Variants in ADGRL3 observed in about 807,000 individuals in gnomAD.
ADGRL3 encodes calcium-independent alpha-latrotoxin receptor 3.
A neutral mutation model predicts 153.5 loss-of-function variants in ADGRL3; 62 were observed. The ratio of observed to expected loss-of-function variants is 0.40; its 90% CI spans 0.33 to 0.50. The LOEUF (loss-of-function observed/expected upper bound fraction) is 0.50. Ranked by LOEUF, ADGRL3 falls within the 20% of genes least tolerant of loss-of-function variation. ADGRL3 has a pLI of 0.47. For synonymous variants in ADGRL3, 710 were observed against 672.5 expected (o/e 1.06, Z -0.86); for missense variants, 1,641 against 1,859.4 (o/e 0.88, Z 2.16).
chr4:61,535,681 T>TG (rs2098651449), intron 4 of ADGRL3, among the ~76,000 whole-genome samples: 2 of 152,080 alleles, frequency 1.3e-5, no homozygotes, highest in African/African-American at 4.8e-5. Flanking sequence ...AGATTGTATG[T>TG]TTCCAAGAAT....
chr4:61,206,503 C>T (rs1397837722), intron 1 of ADGRL3, among the ~76,000 whole-genome samples: 1 of 152,132 alleles, frequency 6.6e-6, no homozygotes, highest in African/African-American at 2.4e-5. Context: ...AATGCTAAGA[C>T]ATTATTTGCC....
intron 1 of ADGRL3, among the ~76,000 whole-genome samples, chr4:61,267,470 G>T (rs1253435232): frequency 6.6e-6 from 1 of 151,678 alleles, no homozygotes; most frequent in Non-Finnish European, 1.5e-5. Context: ...AGTTGAGGAA[G>T]CACAGATGGA....
At chr4:61,902,586 C>T (rs1451850581) in intron 11 of ADGRL3, among the ~76,000 whole-genome samples, 1 of 152,112 alleles carries the variant, frequency 6.6e-6, no homozygotes, top group African/African-American at 2.4e-5. Flanking sequence ...ACTTACTCTT[C>T]TCCTTGCTCA....
intron 5 of ADGRL3, among the ~76,000 whole-genome samples, chr4:61,614,905 G>A (rs111949506): frequency 4.6e-5 from 7 of 152,042 alleles, no homozygotes; most frequent in Admixed American, 2.6e-4. Flanking sequence ...TTTTTTGCTC[G>A]TTGCTTTATG....
chr4:61,749,476 T>C (rs541311924), intron 8 of ADGRL3, among the ~76,000 whole-genome samples: 2 of 152,260 alleles, frequency 1.3e-5, no homozygotes, highest in East Asian at 3.9e-4. Flanking sequence ...CCAACAATGA[T>C]AGACTGGATT....
At chr4:61,571,069 G>GA (rs2098836620) in intron 4 of ADGRL3, among the ~76,000 whole-genome samples, 2 of 152,030 alleles carry the variant, frequency 1.3e-5, no homozygotes, top group Non-Finnish European at 1.5e-5. Context: ...AAATAGTAAA[G>GA]ATGGAGTAGG....
intron 3 of ADGRL3, among the ~76,000 whole-genome samples, chr4:61,512,521 T>G (rs2098469108): frequency 6.6e-6 from 1 of 152,118 alleles, no homozygotes; most frequent in Non-Finnish European, 1.5e-5. Context: ...AGTAGCATAT[T>G]GAGATTGAGC....
chr4:61,392,719 TAAAG>T (rs933131035), intron 2 of ADGRL3, among the ~76,000 whole-genome samples: 4 of 61,510 alleles, frequency 6.5e-5, no homozygotes, highest in Non-Finnish European at 1.4e-4. Context: ...AAAAGGAAAA[TAAAG>T]AAAGAGAGAA....
At chr4:61,517,259 C>A (rs2098502057) in intron 3 of ADGRL3, 56 bp from the exon 4 acceptor site, 1 of 692,774 alleles carries the variant, frequency 1.4e-6, no homozygotes, top group African/African-American at 1.8e-5. Context: ...CAGGGCTCCC[C>A]TGAGGCGGGA....
chr4:61,797,558 A>G (rs1457351319), intron 8 of ADGRL3, among the ~76,000 whole-genome samples: 1 of 152,212 alleles, frequency 6.6e-6, no homozygotes, highest in Non-Finnish European at 1.5e-5. Context: ...CAGAAAGTTT[A>G]GCAGAATTAA....
chr4:61,931,485 A>G (rs1467725949), intron 13 of ADGRL3, among the ~76,000 whole-genome samples: 1 of 152,196 alleles, frequency 6.6e-6, no homozygotes. Context: ...TTGTAGATGA[A>G]GTATAGAGAA....
At chr4:61,887,252 A>G (rs868198748) in intron 9 of ADGRL3, among the ~76,000 whole-genome samples, 1 of 152,086 alleles carries the variant, frequency 6.6e-6, no homozygotes, top group South Asian at 2.1e-4. Context: ...AATATTTGTG[A>G]TCAAGAATAG....
chr4:61,357,558 G>C (rs952673979), intron 1 of ADGRL3, among the ~76,000 whole-genome samples: 2 of 152,034 alleles, frequency 1.3e-5, no homozygotes, highest in Non-Finnish European at 2.9e-5. Flanking sequence ...TTGGCTTCCT[G>C]CTTTCTTTAG....
At chr4:61,610,552 T>G (rs2091189848) in intron 5 of ADGRL3, among the ~76,000 whole-genome samples, 1 of 152,172 alleles carries the variant, frequency 6.6e-6, no homozygotes, top group Non-Finnish European at 1.5e-5. Flanking sequence ...GTAACCGTAG[T>G]CTAAGAATTT....
chr4:61,782,601 TAC>T, intron 8 of ADGRL3, among the ~76,000 whole-genome samples: 1 of 152,160 alleles, frequency 6.6e-6, no homozygotes, highest in African/African-American at 2.4e-5. Flanking sequence ...TACGGATAAA[TAC>T]ACAGTCACAT....
intron 1 of ADGRL3, among the ~76,000 whole-genome samples, chr4:61,281,047 C>CAT (rs1404806876): frequency 2.0e-5 from 3 of 151,988 alleles, no homozygotes; most frequent in African/African-American, 7.2e-5. Flanking sequence ...TGGTATTTAT[C>CAT]ATATATATTA....
intron 2 of ADGRL3, among the ~76,000 whole-genome samples, chr4:61,387,936 A>G (rs1248623930): frequency 6.6e-6 from 1 of 152,196 alleles, no homozygotes; most frequent in Admixed American, 6.5e-5. Flanking sequence ...AAAGACAGGC[A>G]TAAGAAATTA....
intron 2 of ADGRL3, among the ~76,000 whole-genome samples, chr4:61,410,330 C>T (rs1279509127): frequency 3.3e-5 from 5 of 151,910 alleles, no homozygotes; most frequent in Admixed American, 1.3e-4. Flanking sequence ...AACATTGTAC[C>T]TTTTATCACA....
At chr4:61,486,289 G>T (rs535443823) in intron 2 of ADGRL3, among the ~76,000 whole-genome samples, 1 of 152,032 alleles carries the variant, frequency 6.6e-6, no homozygotes, top group Admixed American at 6.6e-5. Context: ...CAGTTGCATT[G>T]ATAATGATTT....
Sources: allele counts gnomAD v4.1 joint callset (sites outside exome capture counted in the v4.1 genomes callset), GRCh38; gene constraint gnomAD v4.1.1; transcripts MANE v1.5; gene names NCBI Gene and HGNC (gene_info 2026-07-23, HGNC 2026-07-21).